Variants in MATCAP2 observed in about 807,000 individuals in gnomAD.
MATCAP2 encodes putative tyrosine carboxypeptidase MATCAP2.
chr7:36,355,215 T>C, the MATCAP2 span: 1 of 152,240 alleles, frequency 6.6e-6, no homozygotes. Flanking sequence ...ACCTCTTTAT[T>C]AGTGCTTTGT....
the MATCAP2 span, among the ~76,000 whole-genome samples, chr7:36,331,455 G>T: frequency 6.6e-6 from 1 of 152,176 alleles, no homozygotes; most frequent in Middle Eastern, 3.2e-3. Context: ...GCATCTGAGT[G>T]GGGAGGCCTG....
At chr7:36,334,986 C>T in the MATCAP2 span, 1 of 1,480,720 alleles carries the variant, frequency 6.8e-7, no homozygotes, top group East Asian at 2.4e-5. Context: ...TCTAAAAGAA[C>T]ATTTCTTTAG....
chr7:36,366,867 C>G, the MATCAP2 span: 2 of 1,491,144 alleles, frequency 1.3e-6, no homozygotes, highest in Non-Finnish European at 8.8e-7. Context: ...GCGGCGGGAC[C>G]CCGGTCCGCC....
chr7:36,340,015 A>G, the MATCAP2 span, among the ~76,000 whole-genome samples: 2 of 152,120 alleles, frequency 1.3e-5, no homozygotes, highest in Non-Finnish European at 2.9e-5. Flanking sequence ...GGCATCTGCC[A>G]TCATGCCCGG....
At chr7:36,361,440 G>A in the MATCAP2 span, among the ~76,000 whole-genome samples, 4 of 152,140 alleles carry the variant, frequency 2.6e-5, no homozygotes, top group East Asian at 1.9e-4. Flanking sequence ...TGGAAATTTC[G>A]TATGGTTCAC....
chr7:36,348,616 C>T, the MATCAP2 span, among the ~76,000 whole-genome samples: 1 of 152,212 alleles, frequency 6.6e-6, no homozygotes, highest in Admixed American at 6.5e-5. Flanking sequence ...GTGACAATCA[C>T]TGTCACTTTT....
chr7:36,333,942 T>A, the MATCAP2 span: 1 of 1,614,116 alleles, frequency 6.2e-7, no homozygotes, highest in South Asian at 1.1e-5. Context: ...CCTGCCAATA[T>A]CTTTAAAGAG....
chr7:36,349,810 C>T, the MATCAP2 span, among the ~76,000 whole-genome samples: 1 of 152,124 alleles, frequency 6.6e-6, no homozygotes, highest in Non-Finnish European at 1.5e-5. Flanking sequence ...TCAACAAAGC[C>T]TTTCAATGAG....
At chr7:36,336,416 C>T in the MATCAP2 span, 3 of 836,128 alleles carry the variant, frequency 3.6e-6, no homozygotes, top group Non-Finnish European at 5.2e-6. Context: ...AATTAAACTG[C>T]AACTGAAGTG....
the MATCAP2 span, chr7:36,390,229 TTTG>T: frequency 1.1e-6 from 1 of 934,914 alleles, no homozygotes; most frequent in East Asian, 2.7e-5. Flanking sequence ...CCTCTGAGAT[TTTG>T]TTGTTTCGGT....
the MATCAP2 span, chr7:36,335,010 T>A: frequency 6.4e-7 from 1 of 1,569,662 alleles, no homozygotes; most frequent in Non-Finnish European, 8.6e-7. Context: ...TAATTCCTGA[T>A]ATTACAAATA....
the MATCAP2 span, chr7:36,390,059 G>A: frequency 1.1e-5 from 18 of 1,613,520 alleles, no homozygotes; most frequent in African/African-American, 1.3e-5. Flanking sequence ...GTGAGTTTGC[G>A]GGTGCAGCCA....
At chr7:36,383,025 A>G in the MATCAP2 span, among the ~76,000 whole-genome samples, 4 of 152,328 alleles carry the variant, frequency 2.6e-5, no homozygotes, top group Middle Eastern at 0.01. Context: ...CTGTAGTTGC[A>G]CTGGTTTTTG....
chr7:36,367,188 A>T, the MATCAP2 span: 48 of 1,191,696 alleles, frequency 4.0e-5, no homozygotes, highest in Non-Finnish European at 4.9e-5. Flanking sequence ...GGTGCCCAGC[A>T]GCGCTTAGAA....
chr7:36,363,679 TG>T, the MATCAP2 span, among the ~76,000 whole-genome samples: 6 of 152,232 alleles, frequency 3.9e-5, no homozygotes, highest in South Asian at 2.1e-4. Flanking sequence ...GTATGAATCT[TG>T]GCTCTGTTTA....
chr7:36,364,342 G>A, the MATCAP2 span, among the ~76,000 whole-genome samples: 59 of 151,968 alleles, frequency 3.9e-4, no homozygotes, highest in Admixed American at 3.3e-4. Context: ...CCTGCTCTCC[G>A]CCTCACAAAC....
At chr7:36,334,078 T>C in the MATCAP2 span, 2 of 1,614,190 alleles carry the variant, frequency 1.2e-6, no homozygotes, top group South Asian at 1.1e-5. Context: ...GTGGGATTAT[T>C]TGGCTTTAGC....
the MATCAP2 span, among the ~76,000 whole-genome samples, chr7:36,377,530 A>G: frequency 1.3e-5 from 2 of 152,196 alleles, no homozygotes; most frequent in Admixed American, 1.3e-4. Context: ...GGCTGCCCTT[A>G]ACATTTTTTC....
At chr7:36,390,107 T>G in the MATCAP2 span, 9 of 1,610,008 alleles carry the variant, frequency 5.6e-6, no homozygotes, top group Non-Finnish European at 7.6e-6. Flanking sequence ...CCCACCTTCC[T>G]CTGTCAACCT....
Sources: allele counts gnomAD v4.1 joint callset (sites outside exome capture counted in the v4.1 genomes callset), GRCh38; gene constraint gnomAD v4.1.1; transcripts MANE v1.5; gene names NCBI Gene and HGNC (gene_info 2026-07-23, HGNC 2026-07-21).